Variants in NAALAD2 observed in about 807,000 individuals in gnomAD.
The protein encoded by NAALAD2 is N-acetylated-alpha-linked acidic dipeptidase 2.
A neutral mutation model predicts 95.6 loss-of-function variants in NAALAD2; 89 were observed. The ratio of observed to expected loss-of-function variants is 0.93; its 90% CI spans 0.78 to 1.11. The LOEUF (loss-of-function observed/expected upper bound fraction) is 1.11. Ranked by LOEUF, NAALAD2 falls within the 50% of genes least tolerant of loss-of-function variation. The pLI is 0.00. For missense variants in NAALAD2, 894 were observed against 872.4 expected (o/e 1.02, Z -0.31); for synonymous variants, 264 against 294.4 (o/e 0.90, Z 1.06).
intron 12 of NAALAD2, chr11:90,169,675 G>A (rs112363815): frequency 0.015 from 2,674 of 175,684 alleles, 63 homozygotes; most frequent in African/African-American, 0.06. Flanking sequence ...ATAAATGTTA[G>A]AACCTAATAA....
chr11:90,145,288 A>C (rs1951723731), intron 2 of NAALAD2, among the ~76,000 whole-genome samples: 1 of 152,132 alleles, frequency 6.6e-6, no homozygotes, highest in African/African-American at 2.4e-5. Flanking sequence ...CCCTGATATA[A>C]AATAAAGGAT....
At chr11:90,140,392 A>G (rs565433918) in intron 2 of NAALAD2, among the ~76,000 whole-genome samples, 2 of 152,208 alleles carry the variant, frequency 1.3e-5, no homozygotes, top group South Asian at 4.1e-4. Context: ...TGTTATTTTA[A>G]AACAGTAAAT....
intron 11 of NAALAD2, among the ~76,000 whole-genome samples, chr11:90,165,522 T>C (rs969513254): frequency 6.6e-6 from 1 of 152,184 alleles, no homozygotes; most frequent in African/African-American, 2.4e-5. Flanking sequence ...CAGTTTCTCT[T>C]ACATTAGTTT....
At chr11:90,163,779 C>T in intron 11 of NAALAD2, 162 bp downstream of exon 11, 1 of 744,976 alleles carries the variant, frequency 1.3e-6, no homozygotes, top group Non-Finnish European at 2.3e-6. Context: ...ACTTTCACAT[C>T]AGTTTGGCAA....
chr11:90,184,504 ATATGGATCAAACAAAAG>A (rs1291943815), intron 18 of NAALAD2, among the ~76,000 whole-genome samples: 1 of 152,142 alleles, frequency 6.6e-6, no homozygotes, highest in Non-Finnish European at 1.5e-5. Flanking sequence ...TCAATTATTT[ATATGGATCAAACAAAAG>A]CCGAAAGCCG....
At chr11:90,160,868 AC>A (rs1565528686) in intron 8 of NAALAD2, among the ~76,000 whole-genome samples, 1 of 152,218 alleles carries the variant, frequency 6.6e-6, no homozygotes, top group Non-Finnish European at 1.5e-5. Context: ...CAAATAAACA[AC>A]AACAAAACTA....
At chr11:90,155,605 T>TATTACATATAA (rs1444929435) in intron 6 of NAALAD2, among the ~76,000 whole-genome samples, 1 of 95,818 alleles carries the variant, frequency 1.0e-5, no homozygotes, top group Non-Finnish European at 1.9e-5. Flanking sequence ...TAATAATATA[T>TATTACATATAA]ATTACATATA....
intron 17 of NAALAD2, 129 bp downstream of exon 17, chr11:90,181,830 C>T: frequency 1.6e-6 from 1 of 613,718 alleles, no homozygotes. Context: ...TGCAAATCAG[C>T]AATAGCAGTA....
chr11:90,157,544 C>G (rs902224350), intron 6 of NAALAD2, among the ~76,000 whole-genome samples: 15 of 152,014 alleles, frequency 9.9e-5, no homozygotes, highest in African/African-American at 3.6e-4. Flanking sequence ...AATAACATTT[C>G]TCTAAGAAAG....
intron 5 of NAALAD2, 130 bp downstream of exon 5, chr11:90,150,737 C>T (rs959972668): frequency 3.3e-5 from 23 of 698,046 alleles, no homozygotes; most frequent in Middle Eastern, 5.0e-4. Flanking sequence ...TCCTATTTGC[C>T]ATGGGTACAC....
intron 2 of NAALAD2, among the ~76,000 whole-genome samples, chr11:90,139,491 A>G (rs1449349009): frequency 6.6e-6 from 1 of 152,164 alleles, no homozygotes; most frequent in Non-Finnish European, 1.5e-5. Flanking sequence ...TCAGGCAGAT[A>G]TGCTTTCTCC....
At position 90,170,120 on chromosome 11, in the gene NAALAD2, A is replaced by C; in HGVS notation, c.1394A>C (p.Tyr465Ser). 1 of 1,588,090 alleles carries C rather than the reference A, an allele frequency of 6.3e-7. No homozygotes were observed. Among genetic ancestry groups the C allele is most frequent in the East Asian group, 2.2e-5 (1 of 44,604 alleles). ...DCTPLLYQLVYKLTKEIPSPD... is the reference protein window; with the variant it reads ...DCTPLLYQLVSKLTKEIPSPD... ...ACTCCCCTTCTTTACCAATTAGTGT[A>C]TAAACTGACAAAAGAGGTATATAAG... The change falls in exon 13 of 19, where the codon TAT becomes TCT. Residue 465 changes from tyrosine to serine, a missense_variant. Coordinates refer to ENST00000534061, the MANE Select transcript of NAALAD2 (RefSeq NM_005467.4).
chr11:90,167,522 T>C (rs932166401), intron 11 of NAALAD2, among the ~76,000 whole-genome samples: 3 of 152,186 alleles, frequency 2.0e-5, no homozygotes, highest in Non-Finnish European at 2.9e-5. Context: ...GGCTGAGAAG[T>C]GCCGGCGCAC....
rs1565526148 is a variant in NAALAD2 at position 90,158,135 on chromosome 11, A to G, written c.797-10A>G. ...AAATTGTTTTCATTTTATGCATTTGATTTTTTTAGAATACACTTTCAGACT... is the reference window on the plus strand; with the variant it reads ...AAATTGTTTTCATTTTATGCATTTGGTTTTTTTAGAATACACTTTCAGACT... On this transcript the variant is annotated splice_polypyrimidine_tract_variant and intron_variant, in intron 6 of 18. Coordinates refer to ENST00000534061, the MANE Select transcript of NAALAD2 (RefSeq NM_005467.4). 1.9e-6 allele frequency: 3 copies of G among 1,584,020 alleles called. No individual in the cohort carries two copies. The highest frequency in any genetic ancestry group is 3.5e-5 in the Admixed American group (2 of 57,832).
chr11:90,140,418 C>T (rs4553333), intron 2 of NAALAD2, among the ~76,000 whole-genome samples: 68,122 of 151,558 alleles, frequency 0.45, 16,278 homozygotes, highest in African/African-American at 0.61. Flanking sequence ...AATACTTTTA[C>T]ATGTACTTCA....
chr11:90,132,862 GAGTC>G (rs757575532), upstream of NAALAD2, among the ~76,000 whole-genome samples: 22 of 152,108 alleles, frequency 1.4e-4, no homozygotes, highest in Non-Finnish European at 2.1e-4. Context: ...AACACTGGAG[GAGTC>G]AGTCAAGGAA....
At chr11:90,160,020 G>A (rs1451923225) in intron 8 of NAALAD2, among the ~76,000 whole-genome samples, 2 of 125,354 alleles carry the variant, frequency 1.6e-5, no homozygotes, top group Non-Finnish European at 3.5e-5. Flanking sequence ...AGAGAAGGGG[G>A]CCAAAATGTA....
chr11:90,177,737 G>A (rs1264716247), intron 15 of NAALAD2, 116 bp from the exon 16 acceptor site: 3 of 1,062,386 alleles, frequency 2.8e-6, no homozygotes, highest in Non-Finnish European at 4.0e-6. Flanking sequence ...ACAGATGTGA[G>A]CCACCATGAC....
intron 2 of NAALAD2, among the ~76,000 whole-genome samples, chr11:90,142,256 T>C (rs1951639260): frequency 1.3e-5 from 2 of 152,184 alleles, no homozygotes; most frequent in African/African-American, 4.8e-5. Flanking sequence ...AGGTATGTTA[T>C]AGTTTTCTCC....
Sources: gnomAD v4.1 joint callset for allele counts (sites outside exome capture counted in the v4.1 genomes callset) on GRCh38, gnomAD v4.1.1 for gene constraint, MANE v1.5 for transcripts, NCBI Gene and HGNC (gene_info 2026-07-23, HGNC 2026-07-21) for gene names.